The following CPQ variants were observed in gnomAD, a reference collection of about 807,000 sequenced individuals.
CPQ encodes carboxypeptidase Q, also known as Ser-Met dipeptidase.
A neutral mutation model predicts 45.7 loss-of-function variants in CPQ; 37 were observed. The observed-to-expected ratio is 0.81, with a 90% CI of 0.62 to 1.07. The LOEUF (loss-of-function observed/expected upper bound fraction) is 1.07, where lower values mean the gene tolerates loss of function less well. CPQ is among the 50% of genes least tolerant of loss of function. CPQ has a pLI of 0.00. For synonymous variants in CPQ, 186 were observed against 205.8 expected (o/e 0.90, Z 0.82); for missense variants, 537 against 572.9 (o/e 0.94, Z 0.64).
At chr8:96,897,800 T>A (rs1812462775) in intron 4 of CPQ, among the ~76,000 whole-genome samples, 1 of 148,144 alleles carries the variant, frequency 6.8e-6, no homozygotes, top group Admixed American at 6.7e-5. Context: ...GAGGTGAATT[T>A]TTGTTTGTTT....
At chr8:96,772,284 C>T (rs1810553609) in intron 1 of CPQ, among the ~76,000 whole-genome samples, 1 of 151,940 alleles carries the variant, frequency 6.6e-6, no homozygotes, top group Non-Finnish European at 1.5e-5. Context: ...AATTTAAGAG[C>T]ACTTACTGAT....
chr8:96,801,147 T>C (rs1811003262), intron 2 of CPQ, among the ~76,000 whole-genome samples: 1 of 152,036 alleles, frequency 6.6e-6, no homozygotes, highest in Non-Finnish European at 1.5e-5. Context: ...AGCTATTTTT[T>C]GTATTTTTTG....
At chr8:97,068,507 C>T (rs1467248404) in intron 7 of CPQ, among the ~76,000 whole-genome samples, 1 of 152,116 alleles carries the variant, frequency 6.6e-6, no homozygotes, top group Non-Finnish European at 1.5e-5. Flanking sequence ...GTGGTGCAAG[C>T]CTGTAATCCC....
chr8:96,852,959 A>T (rs1037919236), intron 3 of CPQ, among the ~76,000 whole-genome samples: 1 of 152,194 alleles, frequency 6.6e-6, no homozygotes, highest in African/African-American at 2.4e-5. Flanking sequence ...AGTACTTGTT[A>T]TTTATGCTTA....
intron 4 of CPQ, among the ~76,000 whole-genome samples, chr8:96,885,765 G>A (rs1792630517): frequency 6.6e-6 from 1 of 152,148 alleles, no homozygotes; most frequent in South Asian, 2.1e-4. Context: ...GAGGCGGGCA[G>A]ATAACTAGGT....
intron 4 of CPQ, among the ~76,000 whole-genome samples, chr8:96,908,568 C>T (rs1170574851): frequency 6.6e-6 from 1 of 152,056 alleles, no homozygotes; most frequent in Non-Finnish European, 1.5e-5. Flanking sequence ...AATCTGAAGG[C>T]ACATTTGAGG....
intron 5 of CPQ, among the ~76,000 whole-genome samples, chr8:96,992,922 T>C (rs531230089): frequency 3.9e-5 from 6 of 152,276 alleles, no homozygotes; most frequent in African/African-American, 1.2e-4. Flanking sequence ...CTTTCATTTG[T>C]TGACAGATAC....
At position 96,703,980 on chromosome 8, in the gene CPQ, G is replaced by A. The variant is rs145862945; in HGVS notation, c.-35+58578G>A. Among the ~76,000 whole-genome samples, 444 of 152,260 alleles carry A rather than the reference G, an allele frequency of 2.9e-3. 4 individuals are homozygous for A. Among genetic ancestry groups the A allele is most frequent in the African/African-American group, 1.0e-2 (414 of 41,552 alleles). On this transcript the variant is annotated intron_variant, in intron 1 of 7. Coordinates refer to ENST00000220763, the MANE Select transcript of CPQ (RefSeq NM_016134.4). ...ACAAAAATATGATGTCCCTGAGATT[G>A]TTCTTTGGCATCTTGGAAAATAGTC... is the stretch of plus-strand genomic sequence containing the variant.
intron 7 of CPQ, among the ~76,000 whole-genome samples, chr8:97,102,809 C>T (rs1406044603): frequency 6.6e-6 from 1 of 152,110 alleles, no homozygotes. Context: ...TTCCTTTTGC[C>T]ACTGTAAGAA....
chr8:97,001,174 G>A (rs1040785082), intron 5 of CPQ, among the ~76,000 whole-genome samples: 3 of 152,218 alleles, frequency 2.0e-5, no homozygotes, highest in Non-Finnish European at 2.9e-5. Context: ...ATAGGATCAC[G>A]TTATCTGCAA....
At chr8:96,691,936 G>T (rs1586361078) in intron 1 of CPQ, among the ~76,000 whole-genome samples, 1 of 152,086 alleles carries the variant, frequency 6.6e-6, no homozygotes, top group African/African-American at 2.4e-5. Flanking sequence ...AATAGGTTGA[G>T]TGTATTTCTT....
chr8:96,883,745 A>G (rs1812261864), intron 4 of CPQ, among the ~76,000 whole-genome samples: 1 of 152,160 alleles, frequency 6.6e-6, no homozygotes, highest in African/African-American at 2.4e-5. Flanking sequence ...TCTTCCATGA[A>G]GACTGCTTTG....
At chr8:96,716,138 T>C (rs1809670158) in intron 1 of CPQ, among the ~76,000 whole-genome samples, 1 of 152,182 alleles carries the variant, frequency 6.6e-6, no homozygotes, top group Non-Finnish European at 1.5e-5. Flanking sequence ...GCTGAGGTCA[T>C]GCACAAGTTT....
At position 97,108,641 on chromosome 8, in the gene CPQ, G is replaced by A. The variant is rs564715336; in HGVS notation, c.1256-34379G>A. 2.8e-4 allele frequency among the ~76,000 whole-genome samples: 42 copies of A among 152,308 alleles called. No homozygotes were observed. The South Asian group carries it at 5.4e-3, about 20-fold the overall frequency. ...CACCCAAATCCTACCTGATTGGAAG[G>A]AAGTCACCGGGGAGGGGATGGTGAG... On this transcript the variant is annotated intron_variant, in intron 7 of 7. Coordinates refer to ENST00000220763, the MANE Select transcript of CPQ (RefSeq NM_016134.4).
intron 1 of CPQ, among the ~76,000 whole-genome samples, chr8:96,685,941 T>A (rs1166068009): frequency 1.3e-5 from 2 of 152,122 alleles, no homozygotes; most frequent in African/African-American, 2.4e-5. Context: ...TTGTTATACA[T>A]TTTTCTAGTT....
At chr8:96,759,474 A>G (rs1350921988) in intron 1 of CPQ, among the ~76,000 whole-genome samples, 1 of 152,118 alleles carries the variant, frequency 6.6e-6, no homozygotes, top group African/African-American at 2.4e-5. Context: ...ATTCAGACCA[A>G]CTTATTTTTT....
At chr8:97,101,591 T>G (rs1384842127) in intron 7 of CPQ, among the ~76,000 whole-genome samples, 5 of 67,586 alleles carry the variant, frequency 7.4e-5, no homozygotes, top group Non-Finnish European at 1.6e-4. Flanking sequence ...TTTTTTTTTT[T>G]GCCTTTTGAC....
rs115533096 is a variant in CPQ at position 96,751,489 on chromosome 8, A to T, written c.-34-33375A>T. Among the ~76,000 whole-genome samples the T allele has an allele frequency of 8.0e-3, 1,206 of 151,642 alleles. 23 individuals carry two copies. Among genetic ancestry groups the T allele is most frequent in the African/African-American group, 0.028 (1,140 of 41,374 alleles). On this transcript the variant is annotated intron_variant, in intron 1 of 7. Transcript: ENST00000220763. The stretch of plus-strand genomic sequence containing the variant: ...GCCCACTTTTTAATGGGGTTGTTTA[A>T]TTTTTTCTTGTAAATTTGTTTAAGT...
chr8:96,866,483 G>A (rs1250176634), intron 3 of CPQ, among the ~76,000 whole-genome samples: 1 of 152,002 alleles, frequency 6.6e-6, no homozygotes, highest in Non-Finnish European at 1.5e-5. Flanking sequence ...ATATTTAAAA[G>A]CAGAAATTAT....
Sources: allele counts gnomAD v4.1 joint callset (sites outside exome capture counted in the v4.1 genomes callset), GRCh38; gene constraint gnomAD v4.1.1; transcripts MANE v1.5; gene names NCBI Gene and HGNC (gene_info 2026-07-23, HGNC 2026-07-21).